LGSN: variants seen among roughly 807,000 people sequenced by gnomAD.
The protein encoded by LGSN is lengsin, lens protein with glutamine synthetase domain, also known as lengsin.
A neutral mutation model predicts 19.5 loss-of-function variants in LGSN; 21 were observed. That is an observed-to-expected ratio of 1.07 (90% CI 0.76 to 1.55). The LOEUF is 1.55. LGSN is among the 40% of genes most tolerant of loss of function. The pLI is 0.00. For synonymous variants in LGSN, 257 were observed against 215.6 expected (o/e 1.19, Z -1.68); for missense variants, 673 against 608.5 (o/e 1.11, Z -1.12).
the LGSN span, among the ~76,000 whole-genome samples, chr6:63,419,694 G>T: frequency 1.3e-5 from 2 of 151,386 alleles, no homozygotes; most frequent in African/African-American, 2.4e-5. Context: ...TTCGAGACCA[G>T]CCTGGTCAAC....
chr6:63,394,474 G>A, the LGSN span, among the ~76,000 whole-genome samples: 2 of 152,142 alleles, frequency 1.3e-5, no homozygotes, highest in African/African-American at 4.8e-5. Context: ...TACTCTGTAT[G>A]GTTTAAAAGG....
chr6:63,534,925 T>G, the LGSN span, among the ~76,000 whole-genome samples: 1 of 151,934 alleles, frequency 6.6e-6, no homozygotes, highest in African/African-American at 2.4e-5. Context: ...CTGGGTGTGG[T>G]GGCACACATC....
chr6:63,339,582 T>A, the LGSN span, among the ~76,000 whole-genome samples: 1 of 152,142 alleles, frequency 6.6e-6, no homozygotes, highest in East Asian at 1.9e-4. Flanking sequence ...GCGAAGTGAG[T>A]TTCTTGTAGG....
chr6:63,281,076 A>G lies in LGSN; in HGVS notation c.475T>C (p.Leu159=). The change falls in exon 4 of 4, where the codon TTG becomes CTG. Residue 159 remains leucine (L), a synonymous_variant. Transcript: ENST00000370657. ...LMPELSTFRV[L]PWADRTARVI... ...CTTGCAGTTCTGTCAGCCCATGGCA[A>G]AACTCTAAAGGTTGATAACTCTGGC... is the stretch of plus-strand genomic sequence containing the variant. 6.2e-7 allele frequency: 1 copy of G among 1,613,974 alleles called. No homozygotes were observed. The highest frequency in any genetic ancestry group is 1.1e-5 in the South Asian group (1 of 91,060).
At chr6:63,483,155 T>C in the LGSN span, among the ~76,000 whole-genome samples, 3 of 152,160 alleles carry the variant, frequency 2.0e-5, no homozygotes, top group Admixed American at 1.3e-4. Flanking sequence ...AGCTAAACCA[T>C]AGGGACATTC....
chr6:63,330,208 A>C, the LGSN span, among the ~76,000 whole-genome samples: 1 of 152,150 alleles, frequency 6.6e-6, no homozygotes, highest in Admixed American at 6.5e-5. Flanking sequence ...ATGTTTTTTA[A>C]AGTGTCCTAG....
the LGSN span, among the ~76,000 whole-genome samples, chr6:63,556,836 T>G: frequency 6.6e-6 from 1 of 152,192 alleles, no homozygotes. Context: ...AAGCAGAAAT[T>G]AGTAAACAAT....
chr6:63,571,274 C>A, the LGSN span: 1 of 152,106 alleles, frequency 6.6e-6, no homozygotes, highest in Non-Finnish European at 1.5e-5. Context: ...TTGCAGGGCA[C>A]TGAAAGAGGA....
chr6:63,332,778 T>C, the LGSN span, among the ~76,000 whole-genome samples: 16 of 152,182 alleles, frequency 1.1e-4, no homozygotes, highest in African/African-American at 3.1e-4. Flanking sequence ...CGCTCAGCAA[T>C]AGGCAATGGT....
At chr6:63,562,106 A>G in the LGSN span, among the ~76,000 whole-genome samples, 33 of 151,756 alleles carry the variant, frequency 2.2e-4, no homozygotes, top group Middle Eastern at 6.8e-3. Context: ...ACCTGTTAAC[A>G]TTTTAGTTTA....
At chr6:63,327,875 C>T in the LGSN span, among the ~76,000 whole-genome samples, 1 of 152,170 alleles carries the variant, frequency 6.6e-6, no homozygotes, top group Non-Finnish European at 1.5e-5. Context: ...TCTCCCCTCT[C>T]CTTCCCATTT....
At chr6:63,308,932 C>A (rs981944613) in intron 1 of LGSN, among the ~76,000 whole-genome samples, 1 of 152,176 alleles carries the variant, frequency 6.6e-6, no homozygotes, top group Non-Finnish European at 1.5e-5. Context: ...ACATCACAAA[C>A]TTGTATTAAT....
the LGSN span, among the ~76,000 whole-genome samples, chr6:63,463,695 G>GTA: frequency 1.3e-5 from 2 of 152,112 alleles, no homozygotes; most frequent in African/African-American, 4.8e-5. Context: ...ATGCTTGTAG[G>GTA]TACTCAACCA....
the LGSN span, among the ~76,000 whole-genome samples, chr6:63,342,458 GAC>G: frequency 4.6e-5 from 7 of 152,190 alleles, no homozygotes; most frequent in African/African-American, 1.7e-4. Flanking sequence ...AAATAGTCAT[GAC>G]ACATGCTATG....
At chr6:63,482,814 C>T in the LGSN span, among the ~76,000 whole-genome samples, 2 of 152,136 alleles carry the variant, frequency 1.3e-5, no homozygotes, top group African/African-American at 4.8e-5. Flanking sequence ...GACTCTCCTG[C>T]CTTAGCCTTC....
the LGSN span, among the ~76,000 whole-genome samples, chr6:63,516,256 G>A: frequency 1.3e-5 from 2 of 152,134 alleles, no homozygotes; most frequent in African/African-American, 2.4e-5. Flanking sequence ...TATCCAAAAG[G>A]TCAGCAAAAG....
chr6:63,362,080 G>T, the LGSN span, among the ~76,000 whole-genome samples: 1 of 152,176 alleles, frequency 6.6e-6, no homozygotes, highest in Non-Finnish European at 1.5e-5. Flanking sequence ...GCAGTAACAT[G>T]CACGGGGCTG....
At chr6:63,330,286 C>T in the LGSN span, among the ~76,000 whole-genome samples, 2 of 152,182 alleles carry the variant, frequency 1.3e-5, no homozygotes, top group African/African-American at 4.8e-5. Flanking sequence ...CTCTGAACCA[C>T]CAAGATTTGT....
the LGSN span, among the ~76,000 whole-genome samples, chr6:63,548,152 C>A: frequency 6.6e-5 from 10 of 152,142 alleles, no homozygotes; most frequent in Non-Finnish European, 1.0e-4. Context: ...AGTTAGATGA[C>A]CCTCTCTGAT....
Sources: gnomAD v4.1 joint callset for allele counts (sites outside exome capture counted in the v4.1 genomes callset) on GRCh38, gnomAD v4.1.1 for gene constraint, MANE v1.5 for transcripts, NCBI Gene and HGNC (gene_info 2026-07-23, HGNC 2026-07-21) for gene names.